TANK: variants seen among roughly 807,000 people sequenced by gnomAD.
TANK encodes the protein TRAF family member associated NFKB activator.
In TANK, 15 loss-of-function variants were observed where a neutral mutation model predicts 43.6. That is an observed-to-expected ratio of 0.34 (90% CI 0.23 to 0.53). The LOEUF (loss-of-function observed/expected upper bound fraction) is 0.53, where lower values mean the gene tolerates loss of function less well. Among genes scored for constraint, TANK ranks in the 20% least tolerant of loss-of-function variants. TANK has a pLI of 0.94. For synonymous variants in TANK, 162 were observed against 178.2 expected, an observed-to-expected ratio of 0.91 and a Z score of 0.73; for missense variants, 417 against 498.6, an observed-to-expected ratio of 0.84 and a Z score of 1.56.
intron 1 of TANK, chr2:161,160,929 C>G (rs1684399417): frequency 2.4e-6 from 1 of 422,370 alleles, no homozygotes; most frequent in Admixed American, 3.2e-5. Context: ...TTAATTGGTT[C>G]TTTCTGTTGT....
At chr2:161,227,481 G>A (rs959159088) in intron 6 of TANK, among the ~76,000 whole-genome samples, 24 of 152,318 alleles carry the variant, frequency 1.6e-4, no homozygotes, top group African/African-American at 5.5e-4. Context: ...TATAATAGTT[G>A]TGTGGCCTTT....
chr2:161,147,197 C>A (rs1328216606), intron 1 of TANK, among the ~76,000 whole-genome samples: 1 of 152,184 alleles, frequency 6.6e-6, no homozygotes, highest in African/African-American at 2.4e-5. Flanking sequence ...GGAAAAAGCG[C>A]AGCCTGGAGC....
chr2:161,171,786 A>T (rs1339268636), intron 1 of TANK, among the ~76,000 whole-genome samples: 2 of 152,188 alleles, frequency 1.3e-5, no homozygotes, highest in Non-Finnish European at 2.9e-5. Flanking sequence ...GTTAACTCAT[A>T]AGATTTTAAC....
intron 2 of TANK, among the ~76,000 whole-genome samples, chr2:161,202,011 A>G (rs1686435132): frequency 1.3e-5 from 2 of 152,142 alleles, no homozygotes; most frequent in South Asian, 2.1e-4. Context: ...TACTTAATCC[A>G]TATGAATTCT....
chr2:161,207,451 G>C, intron 4 of TANK: 3 of 982,000 alleles, frequency 3.1e-6, no homozygotes, highest in Non-Finnish European at 3.6e-6. Context: ...AAAATTAACT[G>C]TCTTGCAGTT....
chr2:161,194,753 A>G (rs1029650127), intron 2 of TANK, among the ~76,000 whole-genome samples: 1 of 152,234 alleles, frequency 6.6e-6, no homozygotes, highest in African/African-American at 2.4e-5. Flanking sequence ...TGCAAACGGC[A>G]TAAAATACCT....
At chr2:161,180,219 A>C (rs995649143) in intron 2 of TANK, 1 of 631,788 alleles carries the variant, frequency 1.6e-6, no homozygotes, top group Non-Finnish European at 2.0e-6. Flanking sequence ...TCCATTCTTT[A>C]TAACAATTCA....
At position 161,160,468 on chromosome 2, in the gene TANK, A is replaced by C. The variant is rs1431662096; in HGVS notation, c.-68A>C. 2 of 1,238,852 alleles carry C rather than the reference A, an allele frequency of 1.6e-6. No individual in the cohort carries two copies. Among genetic ancestry groups the C allele is most frequent in the Non-Finnish European group, 2.0e-6 (2 of 991,050 alleles). 76.7% of individuals were successfully genotyped at this position (1,238,852 alleles called of 1,614,324 possible). ...GGCGACCTGAGGGGAGAGGGAACGC[A>C]GCTGAAAGCGTGAACTGTGTGAGTA... On this transcript the variant is annotated 5_prime_UTR_variant, in exon 1 of 8. Transcript: ENST00000392749.
intron 1 of TANK, chr2:161,161,515 A>G (rs1684434412): frequency 2.7e-6 from 4 of 1,496,224 alleles, no homozygotes; most frequent in Non-Finnish European, 3.6e-6. Flanking sequence ...GCAGGAAGTG[A>G]AATCCTTCTC....
chr2:161,212,463 A>C, intron 4 of TANK: 1 of 984,702 alleles, frequency 1.0e-6, no homozygotes, highest in East Asian at 1.1e-4. Context: ...CTAAATTATT[A>C]ATTAATCCTA....
intron 1 of TANK, among the ~76,000 whole-genome samples, chr2:161,148,759 T>C (rs1458508875): frequency 6.6e-6 from 1 of 152,176 alleles, no homozygotes; most frequent in Admixed American, 6.5e-5. Context: ...CCCAGCATCA[T>C]TTGTTGAAGA....
At chr2:161,168,303 A>G (rs540119233) in intron 1 of TANK, among the ~76,000 whole-genome samples, 18 of 152,326 alleles carry the variant, frequency 1.2e-4, no homozygotes, top group Admixed American at 5.9e-4. Flanking sequence ...TTGGAGAACC[A>G]GTACAGAAGA....
At chr2:161,151,458 T>G (rs1296214848) in intron 1 of TANK, among the ~76,000 whole-genome samples, 2 of 152,178 alleles carry the variant, frequency 1.3e-5, no homozygotes, top group Non-Finnish European at 2.9e-5. Flanking sequence ...TGTTATTTGA[T>G]GGATATATGT....
chr2:161,145,133 C>CTTTTTTTT (rs144526006), intron 1 of TANK, among the ~76,000 whole-genome samples: 1 of 32,830 alleles, frequency 3.0e-5, no homozygotes, highest in Non-Finnish European at 5.1e-5. Context: ...GCAACCCCTG[C>CTTTTTTTT]TTTTTTTTTT....
intron 1 of TANK, among the ~76,000 whole-genome samples, chr2:161,172,732 C>T (rs1392535837): frequency 6.6e-6 from 1 of 152,124 alleles, no homozygotes; most frequent in Non-Finnish European, 1.5e-5. Flanking sequence ...TCTGAGGTCC[C>T]ATTTCAGGCC....
intron 3 of TANK, 82 bp downstream of exon 3, chr2:161,203,677 C>A: frequency 3.7e-6 from 3 of 812,066 alleles, no homozygotes; most frequent in Non-Finnish European, 5.9e-6. Context: ...CTATTTTATT[C>A]CTTCGTTGTT....
upstream of TANK, among the ~76,000 whole-genome samples, chr2:161,158,756 G>T (rs1573957175): frequency 6.6e-6 from 1 of 152,262 alleles, no homozygotes; most frequent in Non-Finnish European, 1.5e-5. Context: ...TGTCAAGAGA[G>T]TAAAAAGACA....
chr2:161,231,121 C>G lies in TANK; in HGVS notation c.671C>G (p.Thr224Ser). Reference protein sequence around the residue: ...PRGLCRDEEDTSFESLSKFNV... With the variant: ...PRGLCRDEEDSSFESLSKFNV... ...GGACTGTGCAGAGATGAGGAAGACA[C>G]CTCTTTTGAATCACTTTCTAAATTC... Residue 224 changes from threonine to serine, a missense_variant, in exon 7 of 8, where the codon ACC (threonine) becomes AGC (serine). By Grantham distance (58) the Thr-to-Ser change is moderately conservative (BLOSUM62 1). Coordinates refer to ENST00000392749, the MANE Select transcript of TANK (RefSeq NM_001199135.3). The G allele has an allele frequency of 6.2e-7, 1 of 1,614,096 alleles. No homozygotes were observed.
chr2:161,185,862 T>TA (rs576089187), intron 2 of TANK, among the ~76,000 whole-genome samples: 25 of 151,860 alleles, frequency 1.6e-4, no homozygotes, highest in Non-Finnish European at 2.9e-4. Context: ...TAAAGTATAA[T>TA]AAAAAAAATA....
Sources: allele counts gnomAD v4.1 joint callset (sites outside exome capture counted in the v4.1 genomes callset), GRCh38; gene constraint gnomAD v4.1.1; transcripts MANE v1.5; gene names NCBI Gene and HGNC (gene_info 2026-07-23, HGNC 2026-07-21).